The following ZYG11B variants were observed in gnomAD, a reference collection of about 807,000 sequenced individuals.
ZYG11B encodes the protein protein zyg-11 homolog B.
Under a neutral mutation model 82.4 loss-of-function variants are expected in ZYG11B, and 36 were observed. The observed-to-expected ratio is 0.44, with a 90% CI of 0.33 to 0.58. ZYG11B has a LOEUF of 0.58. Among genes scored for constraint, ZYG11B ranks in the 20% least tolerant of loss-of-function variants. The pLI, the probability that ZYG11B is intolerant of heterozygous loss-of-function variation, is 0.02. For missense variants in ZYG11B, 552 were observed against 895.6 expected, an observed-to-expected ratio of 0.62 and a Z score of 4.90; for synonymous variants, 303 against 312.8, an observed-to-expected ratio of 0.97 and a Z score of 0.33.
At chr1:52,792,359 T>C (rs1490865634) in intron 6 of ZYG11B, among the ~76,000 whole-genome samples, 1 of 152,228 alleles carries the variant, frequency 6.6e-6, no homozygotes, top group African/African-American at 2.4e-5. Flanking sequence ...AAGGATTTCC[T>C]GTTAGTTATG....
At chr1:52,788,799 T>G (rs1271050093) in intron 5 of ZYG11B, among the ~76,000 whole-genome samples, 1 of 152,128 alleles carries the variant, frequency 6.6e-6, no homozygotes, top group East Asian at 1.9e-4. Flanking sequence ...CTGAGTTGAA[T>G]TGTGAAGGAA....
chr1:52,780,988 C>CA (rs1345002316), intron 4 of ZYG11B, among the ~76,000 whole-genome samples: 1 of 151,242 alleles, frequency 6.6e-6, no homozygotes, highest in Non-Finnish European at 1.5e-5. Context: ...ACTAAAAATA[C>CA]AAAAAATTAG....
chr1:52,791,020 G>A (rs1177209375), intron 6 of ZYG11B, among the ~76,000 whole-genome samples: 1 of 151,618 alleles, frequency 6.6e-6, no homozygotes, highest in Non-Finnish European at 1.5e-5. Context: ...CACCCAGGCT[G>A]GAGTGCAGTG....
At chr1:52,729,433 A>G (rs897420508) in intron 1 of ZYG11B, among the ~76,000 whole-genome samples, 2 of 152,198 alleles carry the variant, frequency 1.3e-5, no homozygotes, top group Admixed American at 6.5e-5. Flanking sequence ...GTAACAGTGT[A>G]TGTATGGGAG....
chr1:52,793,028 C>T (rs1444607212), intron 6 of ZYG11B, among the ~76,000 whole-genome samples: 4 of 151,728 alleles, frequency 2.6e-5, no homozygotes, highest in South Asian at 4.2e-4. Flanking sequence ...TTAGTAGAGG[C>T]GGGGTTTCAC....
rs550892143 is a variant in ZYG11B at position 52,820,000 on chromosome 1, C to T, written c.2045-1439C>T. On this transcript the variant is annotated intron_variant, in intron 13 of 13. Transcript: ENST00000294353. ...CATGATCTCGGCTCACTGCAAGCTC[C>T]GCCTCCCACTTCACGCCATTCTCCT... Among the ~76,000 whole-genome samples, 17 of 150,916 alleles carry T rather than the reference C, an allele frequency of 1.1e-4. No homozygotes were observed. In the South Asian group the frequency reaches 1.5e-3, roughly 13 times the overall value.
chr1:52,782,184 C>G (rs1159580409), intron 4 of ZYG11B, among the ~76,000 whole-genome samples: 1 of 151,544 alleles, frequency 6.6e-6, no homozygotes, highest in Non-Finnish European at 1.5e-5. Flanking sequence ...ATCCCCCTTC[C>G]TCAGCCTCCA....
chr1:52,778,525 C>T (rs993927877), intron 3 of ZYG11B, among the ~76,000 whole-genome samples: 3 of 152,150 alleles, frequency 2.0e-5, no homozygotes, highest in Non-Finnish European at 2.9e-5. Context: ...CGTTAGATCC[C>T]TTTGGCCAGA....
chr1:52,804,334 C>G (rs558654955), intron 10 of ZYG11B, among the ~76,000 whole-genome samples: 1 of 151,748 alleles, frequency 6.6e-6, no homozygotes, highest in Non-Finnish European at 1.5e-5. Flanking sequence ...TTACGAAGGC[C>G]GAGTATAGTG....
intron 10 of ZYG11B, among the ~76,000 whole-genome samples, chr1:52,802,673 G>A (rs917128984): frequency 1.3e-5 from 2 of 150,832 alleles, no homozygotes; most frequent in African/African-American, 4.9e-5. Flanking sequence ...ACAATTTCTA[G>A]GCGAATGAAC....
At chr1:52,789,866 G>A (rs764023141) in intron 5 of ZYG11B, 137 bp from the exon 6 acceptor site, 84 of 526,864 alleles carry the variant, frequency 1.6e-4, no homozygotes, top group Middle Eastern at 5.4e-4. Flanking sequence ...CAATACTAGG[G>A]GGGCAGATAA....
chr1:52,780,995 T>G (rs775680036), intron 4 of ZYG11B, among the ~76,000 whole-genome samples: 2 of 151,026 alleles, frequency 1.3e-5, no homozygotes, highest in Non-Finnish European at 2.9e-5. Context: ...ATACAAAAAA[T>G]TAGCCAAATG....
intron 1 of ZYG11B, among the ~76,000 whole-genome samples, chr1:52,743,774 A>G (rs145067920): frequency 5.8e-4 from 88 of 152,280 alleles, no homozygotes; most frequent in African/African-American, 2.1e-3. Context: ...ATAGTCTACA[A>G]TAGTGTGCAG....
intron 8 of ZYG11B, among the ~76,000 whole-genome samples, chr1:52,799,129 G>GA (rs970786436): frequency 8.6e-5 from 13 of 150,748 alleles, no homozygotes; most frequent in Admixed American, 1.3e-4. Flanking sequence ...CAGTGCAATA[G>GA]AAAAAAAATA....
At chr1:52,753,046 C>T (rs1456036351) in intron 1 of ZYG11B, among the ~76,000 whole-genome samples, 2 of 152,034 alleles carry the variant, frequency 1.3e-5, no homozygotes, top group East Asian at 3.9e-4. Flanking sequence ...CGGGGTTTCA[C>T]CAAGTTGGTT....
chr1:52,784,035 A>G (rs1405254170), intron 4 of ZYG11B, among the ~76,000 whole-genome samples: 1 of 140,546 alleles, frequency 7.1e-6, no homozygotes, highest in Admixed American at 7.3e-5. Flanking sequence ...GTTGTCATCC[A>G]GGCTTGAGTG....
Position 52,823,321 on chromosome 1 carries a change from G to T in ZYG11B, c.*1692G>T, listed in dbSNP as rs1315587946. Reference sequence around the variant, plus strand: ...AAAAAAATTTTTTTTTTTTAAATTAGCTGGGTGTGGTGGCACCTGGGAAAC... The same window carrying T: ...AAAAAAATTTTTTTTTTTTAAATTATCTGGGTGTGGTGGCACCTGGGAAAC... On this transcript the variant is annotated 3_prime_UTR_variant, in exon 14 of 14. Transcript: ENST00000294353. The T allele has an allele frequency of 6.6e-6, 1 of 151,576 alleles. No homozygotes were observed. Among genetic ancestry groups the T allele is most frequent in the Non-Finnish European group, 1.5e-5 (1 of 67,946 alleles). 9.4% of individuals were successfully genotyped at this position (151,576 alleles called of 1,614,324 possible).
rs760717813 is a variant in ZYG11B at position 52,759,620 on chromosome 1, A to G, written c.196+2997A>G. ...GTGTGATTACCTGTCTTCTTCATCAAGAAGGGTTCTGAATTATTTAATCTC... is the reference window on the plus strand; with the variant it reads ...GTGTGATTACCTGTCTTCTTCATCAGGAAGGGTTCTGAATTATTTAATCTC... On this transcript the variant is annotated intron_variant, in intron 2 of 13. Coordinates refer to ENST00000294353, the MANE Select transcript of ZYG11B (RefSeq NM_024646.3). Among the ~76,000 whole-genome samples the G allele has an allele frequency of 3.9e-5, 6 of 152,176 alleles. No homozygotes were observed. In the South Asian group the frequency reaches 1.2e-3, roughly 32 times the overall value.
chr1:52,773,919 A>C (rs1644780912), intron 3 of ZYG11B, among the ~76,000 whole-genome samples: 1 of 151,772 alleles, frequency 6.6e-6, no homozygotes, highest in Admixed American at 6.6e-5. Context: ...CTAGGATTAC[A>C]GGAGTGAGCC....
Sources: allele counts gnomAD v4.1 joint callset (sites outside exome capture counted in the v4.1 genomes callset), GRCh38; gene constraint gnomAD v4.1.1; transcripts MANE v1.5; gene names NCBI Gene and HGNC (gene_info 2026-07-23, HGNC 2026-07-21).